Variants in KDM8 observed in about 807,000 individuals in gnomAD.
KDM8 encodes bifunctional peptidase and arginyl-hydroxylase JMJD5.
A neutral mutation model predicts 46.9 loss-of-function variants in KDM8; 35 were observed. That is an observed-to-expected ratio of 0.75 (90% CI 0.57 to 0.99). The LOEUF is 0.99. Among genes scored for constraint, KDM8 ranks in the 50% least tolerant of loss-of-function variants. The pLI is 0.00. For synonymous variants in KDM8, 232 were observed against 227.7 expected, an observed-to-expected ratio of 1.02 and a Z score of -0.17; for missense variants, 475 against 537.0, an observed-to-expected ratio of 0.88 and a Z score of 1.14.
At position 27,210,310 on chromosome 16, in the gene KDM8, G is replaced by A. The variant is rs778456623; in HGVS notation, c.187G>A (p.Glu63Lys). The change falls in exon 2 of 8, where the codon GAG (glutamate) becomes AAG (lysine). Residue 63 changes from glutamate (E) to lysine (K), a missense_variant. Glu to Lys is a moderately conservative substitution (Grantham distance 56, BLOSUM62 1). Coordinates refer to ENST00000286096, the MANE Select transcript of KDM8 (RefSeq NM_024773.3). ...GCTCTTCTACGAGGGCAGGAGGGAC[G>A]AGTGTCTGCAGAGCAGCGAGGTGAT... ...TELFYEGRRD[E>K]CLQSSEVILD... 10 of 1,613,318 alleles carry A rather than the reference G, an allele frequency of 6.2e-6. No individual in the cohort carries two copies. Among genetic ancestry groups the A allele is most frequent in the South Asian group, 3.3e-5 (3 of 91,090 alleles).
At chr16:27,219,351 G>A (rs886669722) in intron 6 of KDM8, among the ~76,000 whole-genome samples, 2 of 152,242 alleles carry the variant, frequency 1.3e-5, no homozygotes, top group African/African-American at 2.4e-5. Context: ...TCACAGGGGA[G>A]CCCTCGGGAG....
Position 27,214,558 on chromosome 16 carries a change from G to GA in KDM8, c.666-318_666-317insA, listed in dbSNP as rs1190270209. On this transcript the variant is annotated intron_variant, in intron 3 of 7. Coordinates refer to ENST00000286096, the MANE Select transcript of KDM8 (RefSeq NM_024773.3). ...CACGCTGTCCGCTATTTGTTCAAAG[G>GA]TTTCTCAGCTTAGTGACAAAATGAG... 2.6e-5 allele frequency: 8 copies of GA among 306,870 alleles called. No individual in the cohort carries two copies. In the Admixed American group the frequency reaches 3.2e-4, roughly 12 times the overall value. 19.0% of individuals were successfully genotyped at this position (306,870 alleles called of 1,614,324 possible).
chr16:27,207,466 A>G (rs550352991), intron 1 of KDM8, among the ~76,000 whole-genome samples: 19 of 152,358 alleles, frequency 1.2e-4, no homozygotes, highest in African/African-American at 4.6e-4. Flanking sequence ...TGATATGGTA[A>G]CTACATAAAA....
rs2083614954 is a variant in KDM8 at position 27,220,818 on chromosome 16, A to G, written c.*88A>G. ...GGTCCTGGAATCTATAGAGACAAGCAGGACTGAACCTGTGTCCTGAAGAGC... is the reference window on the plus strand; with the variant it reads ...GGTCCTGGAATCTATAGAGACAAGCGGGACTGAACCTGTGTCCTGAAGAGC... On this transcript the variant is annotated 3_prime_UTR_variant, in exon 8 of 8. Coordinates refer to ENST00000286096, the MANE Select transcript of KDM8 (RefSeq NM_024773.3). 2.0e-6 allele frequency: 3 copies of G among 1,493,386 alleles called. No homozygotes were observed. Among genetic ancestry groups the G allele is most frequent in the African/African-American group, 1.4e-5 (1 of 72,568 alleles). 92.5% of individuals were successfully genotyped at this position (1,493,386 alleles called of 1,614,324 possible). A position where few individuals can be genotyped will look rare whatever the true frequency, so the allele number is the denominator to read the frequency against.
Position 27,210,288 on chromosome 16 carries a change from C to G in KDM8, c.165C>G (p.Leu55=). 6.2e-7 allele frequency: 1 copy of G among 1,613,266 alleles called. No homozygotes were observed. Among genetic ancestry groups the G allele is most frequent in the African/African-American group, 1.3e-5 (1 of 75,056 alleles). ...VVTLLQRATE[L]FYEGRRDECL... ...CATTGTTGCAGCGAGCCACTGAGCT[C>G]TTCTACGAGGGCAGGAGGGACGAGT... is the stretch of plus-strand genomic sequence containing the variant. The change falls in exon 2 of 8, where the codon CTC becomes CTG. Residue 55 remains leucine (L), a synonymous_variant. Transcript: ENST00000286096.
intron 2 of KDM8, among the ~76,000 whole-genome samples, chr16:27,210,942 C>A (rs934361949): frequency 5.9e-5 from 9 of 152,008 alleles, no homozygotes; most frequent in Non-Finnish European, 1.2e-4. Context: ...TTTTTAGTTT[C>A]TTATTTATTT....
At chr16:27,218,706 C>T (rs893900095) in intron 5 of KDM8, among the ~76,000 whole-genome samples, 10 of 152,066 alleles carry the variant, frequency 6.6e-5, no homozygotes, top group African/African-American at 2.2e-4. Flanking sequence ...AAAAATTAGC[C>T]GGGTGTGGTG....
intron 2 of KDM8, 107 bp downstream of exon 2, chr16:27,210,728 C>A: frequency 9.0e-7 from 1 of 1,110,540 alleles, no homozygotes. Context: ...GGCCTGCAAC[C>A]CCTCTGGTGG....
At chr16:27,207,721 C>T (rs1183828185) in intron 1 of KDM8, among the ~76,000 whole-genome samples, 1 of 152,184 alleles carries the variant, frequency 6.6e-6, no homozygotes, top group African/African-American at 2.4e-5. Context: ...GCTGGGGCTA[C>T]AGGTGTGTGC....
At chr16:27,204,299 G>A (rs979895388) in intron 1 of KDM8, 8 of 1,386,876 alleles carry the variant, frequency 5.8e-6, no homozygotes, top group Non-Finnish European at 7.5e-6. Context: ...CCGTGCTCAG[G>A]AGGACTCGGG....
chr16:27,204,608 T>G (rs2083409917), intron 1 of KDM8, among the ~76,000 whole-genome samples: 1 of 152,222 alleles, frequency 6.6e-6, no homozygotes, highest in South Asian at 2.1e-4. Flanking sequence ...ATGACCAGCA[T>G]GGTGCTTGCA....
In KDM8 at chr16:27,204,446, C is replaced by T. The variant is rs558565508; in HGVS notation, c.-32+810C>T. The T allele has an allele frequency of 1.7e-5, 16 of 967,922 alleles. No homozygotes were observed. The African/African-American group carries it at 2.7e-4, about 16-fold the overall frequency. The allele number at this position is 967,922 out of a possible 1,614,324, so 60.0% of individuals were successfully genotyped here. On this transcript the variant is annotated intron_variant, in intron 1 of 7. Transcript: ENST00000286096. ...CTTTCTGGAAAATGTTCCAAACTTTCCTGGGAAGTTTTACGAAGCTCTTGT... is the reference window on the plus strand; with the variant it reads ...CTTTCTGGAAAATGTTCCAAACTTTTCTGGGAAGTTTTACGAAGCTCTTGT...
intron 1 of KDM8, among the ~76,000 whole-genome samples, chr16:27,205,180 C>G (rs749526428): frequency 6.6e-6 from 1 of 152,194 alleles, no homozygotes; most frequent in Admixed American, 6.5e-5. Context: ...AGGCCTGAGT[C>G]TATTCCGGCT....
At chr16:27,213,189 G>T (rs1169073720) in intron 2 of KDM8, 2 of 158,236 alleles carry the variant, frequency 1.3e-5, no homozygotes, top group African/African-American at 2.4e-5. Flanking sequence ...CATCATTGCT[G>T]TTACTCCCAG....
intron 2 of KDM8, chr16:27,211,762 T>C (rs1445052279): frequency 1.3e-5 from 2 of 152,128 alleles, no homozygotes; most frequent in East Asian, 1.9e-4. Context: ...CCCTGCAACC[T>C]CTGCCTCCCA....
chr16:27,210,236 G>A lies in KDM8; in HGVS notation c.113G>A (p.Gly38Glu), dbSNP rs140011008. 6.8e-6 allele frequency: 11 copies of A among 1,613,198 alleles called. No homozygotes were observed. The African/African-American group carries it at 1.3e-4, about 20-fold the overall frequency. The change falls in exon 2 of 8, where the codon GGG (glycine) becomes GAG (glutamate). Residue 38 changes from glycine to glutamate, a missense_variant. Transcript: ENST00000286096. Reference protein sequence around the residue: ...HSKEDLKLDLGEKVERSVVTL... With the variant: ...HSKEDLKLDLEEKVERSVVTL... ...AAAGAAGACCTGAAGTTGGACCTCG[G>A]GGAGAAAGTGGAGAGGAGCGTGGTG...
intron 1 of KDM8, chr16:27,204,382 C>T: frequency 1.6e-6 from 2 of 1,282,686 alleles, no homozygotes; most frequent in Non-Finnish European, 2.0e-6. Flanking sequence ...CTGTGTGCCC[C>T]TTAGAGAGCC....
intron 4 of KDM8, 75 bp downstream of exon 4, chr16:27,215,083 A>G (rs1282034100): frequency 6.6e-7 from 1 of 1,518,384 alleles, no homozygotes; most frequent in African/African-American, 1.4e-5. Context: ...ATAACCCCCC[A>G]TGTGTTGTAA....
chr16:27,210,365 C>T lies in KDM8; in HGVS notation c.242C>T (p.Thr81Met), dbSNP rs766553629. ...ILDYSWEKLN[T>M]GTWQDVDKDW... is the part of the protein sequence containing the mutation. ...GACTACTCCTGGGAGAAGCTCAACA[C>T]GGGCACATGGCAGGACGTAGACAAA... is the stretch of plus-strand genomic sequence containing the variant. The change falls in exon 2 of 8, where the codon ACG (threonine) becomes ATG (methionine). Residue 81 changes from threonine (T) to methionine (M), a missense_variant. By Grantham distance (81) the Thr-to-Met change is moderately conservative. Coordinates refer to ENST00000286096, the MANE Select transcript of KDM8 (RefSeq NM_024773.3). 1.7e-5 allele frequency: 27 copies of T among 1,613,274 alleles called. No homozygotes were observed. Among genetic ancestry groups the T allele is most frequent in the South Asian group, 1.2e-4 (11 of 91,090 alleles).
Sources: gnomAD v4.1 joint callset for allele counts (sites outside exome capture counted in the v4.1 genomes callset) on GRCh38, gnomAD v4.1.1 for gene constraint, MANE v1.5 for transcripts, NCBI Gene and HGNC (gene_info 2026-07-23, HGNC 2026-07-21) for gene names.